Variants in RBFOX3 observed in about 807,000 individuals in gnomAD.
RBFOX3 encodes RNA binding fox-1 homolog 3.
In RBFOX3, 17 loss-of-function variants were observed where a neutral mutation model predicts 48.7. The observed-to-expected ratio is 0.35, with a 90% confidence interval of 0.24 to 0.52. RBFOX3 has a LOEUF of 0.52. Among genes scored for constraint, RBFOX3 ranks in the 20% least tolerant of loss-of-function variants. RBFOX3 has a pLI of 0.94. For synonymous variants in RBFOX3, 212 were observed against 209.5 expected, an observed-to-expected ratio of 1.01 and a Z score of -0.10; for missense variants, 382 against 497.5, an observed-to-expected ratio of 0.77 and a Z score of 2.21.
chr17:79,532,280 G>T (rs1229551920), intron 1 of RBFOX3, among the ~76,000 whole-genome samples: 1 of 152,156 alleles, frequency 6.6e-6, no homozygotes, highest in Non-Finnish European at 1.5e-5. Flanking sequence ...GGCAGAATAG[G>T]ATTGGCCCAA....
intron 2 of RBFOX3, among the ~76,000 whole-genome samples, chr17:79,438,096 G>C (rs1399512751): frequency 6.0e-5 from 2 of 33,266 alleles, no homozygotes; most frequent in East Asian, 2.6e-3. Flanking sequence ...ACACACAGGT[G>C]CACAGGCGCA....
At chr17:79,530,782 A>G (rs1022134042) in intron 1 of RBFOX3, among the ~76,000 whole-genome samples, 2 of 152,206 alleles carry the variant, frequency 1.3e-5, no homozygotes, top group Admixed American at 6.5e-5. Flanking sequence ...ATGCCGCGGG[A>G]CCACAGAGGA....
chr17:79,356,253 G>A (rs1372160348), intron 2 of RBFOX3, among the ~76,000 whole-genome samples: 4 of 151,930 alleles, frequency 2.6e-5, no homozygotes, highest in East Asian at 1.9e-4. Context: ...TCCTGCAGAC[G>A]GGGTGGGGGA....
At chr17:79,161,260 G>T (rs1309776185) in intron 4 of RBFOX3, among the ~76,000 whole-genome samples, 3 of 152,144 alleles carry the variant, frequency 2.0e-5, no homozygotes, top group Non-Finnish European at 4.4e-5. Flanking sequence ...GAAGGGGCCG[G>T]CACGAGTCAA....
intron 1 of RBFOX3, among the ~76,000 whole-genome samples, chr17:79,549,562 G>T (rs1555792986): frequency 6.6e-6 from 1 of 152,266 alleles, no homozygotes. Flanking sequence ...GTGTCAAAGT[G>T]GGGTGGTGAT....
rs532565433 is a variant in RBFOX3, at chr17:79,360,108, G to A, written c.-174-52284C>T. On this transcript the variant is annotated intron_variant, in intron 2 of 14. Coordinates refer to ENST00000693108, the MANE Select transcript of RBFOX3 (RefSeq NM_001350451.2). ...CTGGGTGTTTGCCTTTTCTCTTTCC[G>A]ACCTCCATGCACCTTAACTTCATGA... 9.2e-5 allele frequency among the ~76,000 whole-genome samples: 14 copies of A among 151,930 alleles called. No individual in the cohort carries two copies. In the South Asian group the frequency reaches 1.5e-3, roughly 16 times the overall value.
At chr17:79,108,368 A>G (rs542703921) in intron 5 of RBFOX3, among the ~76,000 whole-genome samples, 6 of 152,216 alleles carry the variant, frequency 3.9e-5, no homozygotes, top group Non-Finnish European at 7.3e-5. Context: ...AGAGGAGGAA[A>G]GCCAAGAAGA....
At chr17:79,430,484 G>A (rs970147322) in intron 2 of RBFOX3, among the ~76,000 whole-genome samples, 2 of 152,072 alleles carry the variant, frequency 1.3e-5, no homozygotes, top group Admixed American at 6.5e-5. Flanking sequence ...TATCAAATAC[G>A]CTTTTGCAAG....
intron 2 of RBFOX3, among the ~76,000 whole-genome samples, chr17:79,379,039 G>C (rs951330288): frequency 1.3e-5 from 2 of 152,170 alleles, no homozygotes; most frequent in Non-Finnish European, 2.9e-5. Context: ...CCTGGGGAGG[G>C]GGATTCTCAA....
rs371504154 is a variant in RBFOX3 at position 79,441,344 on chromosome 17, T to C, written c.-175+41110A>G. On this transcript the variant is annotated intron_variant, in intron 2 of 14. Coordinates refer to ENST00000693108, the MANE Select transcript of RBFOX3 (RefSeq NM_001350451.2). Reference sequence around the variant, plus strand: ...CCTCCTGGAACCTGAGAAGGCAACCTTGTTGGAAACAGGGTCTTTGCAGAT... The same window carrying C: ...CCTCCTGGAACCTGAGAAGGCAACCCTGTTGGAAACAGGGTCTTTGCAGAT... Among the ~76,000 whole-genome samples the C allele has an allele frequency of 1.2e-4, 18 of 152,256 alleles. 1 individual carries two copies. The highest frequency in any genetic ancestry group is 4.1e-4 in the African/African-American group (17 of 41,546).
intron 4 of RBFOX3, among the ~76,000 whole-genome samples, chr17:79,153,916 G>C (rs894905293): frequency 6.6e-6 from 1 of 152,104 alleles, no homozygotes; most frequent in South Asian, 2.1e-4. Flanking sequence ...CCACCCTCAA[G>C]TGACAACCGC....
At chr17:79,247,709 G>A (rs2063366431) in intron 3 of RBFOX3, among the ~76,000 whole-genome samples, 1 of 115,636 alleles carries the variant, frequency 8.6e-6, no homozygotes, top group South Asian at 3.0e-4. Flanking sequence ...ATCACAGGGT[G>A]GGGCATCTCC....
intron 2 of RBFOX3, among the ~76,000 whole-genome samples, chr17:79,465,611 A>G (rs2076208126): frequency 6.6e-6 from 1 of 151,762 alleles, no homozygotes; most frequent in African/African-American, 2.4e-5. Flanking sequence ...AATTTCTCCA[A>G]GTGCAACACT....
chr17:79,539,404 C>T (rs1555789584), intron 1 of RBFOX3, among the ~76,000 whole-genome samples: 1 of 152,156 alleles, frequency 6.6e-6, no homozygotes, highest in South Asian at 2.1e-4. Flanking sequence ...AAAATAATCA[C>T]ATAGTGTGGA....
intron 4 of RBFOX3, among the ~76,000 whole-genome samples, chr17:79,160,080 G>A (rs565003824): frequency 1.3e-5 from 2 of 152,244 alleles, no homozygotes; most frequent in Admixed American, 6.5e-5. Flanking sequence ...GGAACGCTCC[G>A]CTCGAGTAGT....
At chr17:79,538,331 C>T (rs2089175783) in intron 1 of RBFOX3, among the ~76,000 whole-genome samples, 1 of 152,226 alleles carries the variant, frequency 6.6e-6, no homozygotes, top group African/African-American at 2.4e-5. Flanking sequence ...TGAATGAATG[C>T]ACAGGTGATC....
At chr17:79,428,942 G>A (rs2067906039) in intron 2 of RBFOX3, among the ~76,000 whole-genome samples, 1 of 152,236 alleles carries the variant, frequency 6.6e-6, no homozygotes, top group African/African-American at 2.4e-5. Flanking sequence ...AGTTCCCGGA[G>A]TGGCTGACTC....
rs989445173 is a variant in RBFOX3, at chr17:79,484,094, G to A, written c.-319-1496C>T. ...CTCTGGGACAGAGTCATGAGATCAGGGTGGCCAGGGAGTGGCTGAGCTGTG... is the reference window on the plus strand; with the variant it reads ...CTCTGGGACAGAGTCATGAGATCAGAGTGGCCAGGGAGTGGCTGAGCTGTG... On this transcript the variant is annotated intron_variant, in intron 1 of 14. Transcript: ENST00000693108. Among the ~76,000 whole-genome samples, 8 of 152,264 alleles carry A rather than the reference G, an allele frequency of 5.3e-5. No homozygotes were observed. The East Asian group carries it at 1.5e-3, about 29-fold the overall frequency.
intron 4 of RBFOX3, among the ~76,000 whole-genome samples, chr17:79,117,356 G>A (rs915064331): frequency 2.0e-5 from 3 of 152,186 alleles, no homozygotes; most frequent in Admixed American, 1.3e-4. Flanking sequence ...GGGAGGAGGA[G>A]CGCCCAGCAG....
Sources: allele counts gnomAD v4.1 joint callset (sites outside exome capture counted in the v4.1 genomes callset), GRCh38; gene constraint gnomAD v4.1.1; transcripts MANE v1.5; gene names NCBI Gene and HGNC (gene_info 2026-07-23, HGNC 2026-07-21).